PAK1: variants seen among roughly 807,000 people sequenced by gnomAD.
PAK1 encodes the protein serine/threonine-protein kinase PAK 1.
PAK1 carries 29 observed loss-of-function variants against 67.4 expected under a neutral mutation model. That is an observed-to-expected ratio of 0.43 (90% CI 0.32 to 0.59). The LOEUF is 0.59. PAK1 is among the 20% of genes least tolerant of loss of function. PAK1 has a pLI of 0.07. For synonymous variants in PAK1, 223 were observed against 237.4 expected (o/e 0.94, Z 0.56); for missense variants, 337 against 670.7 (o/e 0.50, Z 5.50).
chr11:77,495,125 G>A, the PAK1 span, among the ~76,000 whole-genome samples: 1 of 150,840 alleles, frequency 6.6e-6, no homozygotes, highest in Non-Finnish European at 1.5e-5. Flanking sequence ...CCACGCCATT[G>A]CACTCCAGCC....
chr11:77,421,775 GCCCTC>G (rs1408166718), intron 1 of PAK1, among the ~76,000 whole-genome samples: 2 of 152,144 alleles, frequency 1.3e-5, no homozygotes, highest in Admixed American at 6.5e-5. Context: ...AACACCTTTT[GCCCTC>G]CCAACCAAAA....
the PAK1 span, among the ~76,000 whole-genome samples, chr11:77,483,403 T>A: frequency 6.6e-6 from 1 of 152,192 alleles, no homozygotes; most frequent in Non-Finnish European, 1.5e-5. Flanking sequence ...TAGGGCTCTT[T>A]AAAAATTTAG....
At chr11:77,393,081 C>G (rs1460471598) in intron 1 of PAK1, among the ~76,000 whole-genome samples, 1 of 151,788 alleles carries the variant, frequency 6.6e-6, no homozygotes, top group African/African-American at 2.4e-5. Flanking sequence ...CACAGCCACA[C>G]CCATTCATTT....
At chr11:77,473,019 G>C (rs763736094) in intron 1 of PAK1, among the ~76,000 whole-genome samples, 6 of 152,156 alleles carry the variant, frequency 3.9e-5, no homozygotes, top group Non-Finnish European at 5.9e-5. Context: ...CCAAGTTACA[G>C]AATATTCCGG....
intron 1 of PAK1, among the ~76,000 whole-genome samples, chr11:77,460,715 C>A (rs944172831): frequency 2.8e-4 from 43 of 151,528 alleles, no homozygotes; most frequent in African/African-American, 1.0e-3. Context: ...GAGGAGCAAG[C>A]GAAGAAGAGA....
At chr11:77,404,495 G>A (rs1467246636) in intron 1 of PAK1, among the ~76,000 whole-genome samples, 2 of 152,032 alleles carry the variant, frequency 1.3e-5, no homozygotes, top group Non-Finnish European at 2.9e-5. Flanking sequence ...TCGAACTCCT[G>A]ACCTCAGGTG....
At chr11:77,474,161 C>T (rs1205455271), upstream of PAK1, 1 of 151,804 alleles carries the variant, frequency 6.6e-6, no homozygotes, top group Non-Finnish European at 1.5e-5. Context: ...GCCTCCTCCT[C>T]CCCTCTGCCC....
chr11:77,365,279 A>G (rs1659509775), intron 5 of PAK1, among the ~76,000 whole-genome samples: 1 of 150,386 alleles, frequency 6.6e-6, no homozygotes, highest in Non-Finnish European at 1.5e-5. Flanking sequence ...GAAAAAAGAA[A>G]AAAGAAAATG....
At chr11:77,323,976 G>A (rs182514413) in intron 14 of PAK1, among the ~76,000 whole-genome samples, 1 of 152,066 alleles carries the variant, frequency 6.6e-6, no homozygotes, top group Non-Finnish European at 1.5e-5. Context: ...CATTGATCTA[G>A]GAATTTATTG....
chr11:77,487,498 C>T, the PAK1 span, among the ~76,000 whole-genome samples: 2 of 152,014 alleles, frequency 1.3e-5, no homozygotes, highest in African/African-American at 2.4e-5. Context: ...CAAGCAGGCT[C>T]TTGGGGTTCC....
At chr11:77,332,343 G>C (rs868598713) in intron 14 of PAK1, among the ~76,000 whole-genome samples, 1 of 13,852 alleles carries the variant, frequency 7.2e-5, no homozygotes. Context: ...AGGGAAGAGG[G>C]GGGGGAAAGG....
At chr11:77,392,684 T>C (rs752335846) in intron 1 of PAK1, 143 bp from the exon 2 acceptor site, 79 of 511,232 alleles carry the variant, frequency 1.5e-4, no homozygotes, top group Non-Finnish European at 2.1e-4. Flanking sequence ...CACCATGATA[T>C]TGCTAACACT....
Position 77,339,923 on chromosome 11 carries a change from C to A in PAK1, c.1116+723G>T, listed in dbSNP as rs1423832942. Among the ~76,000 whole-genome samples, 5 of 152,024 alleles carry A rather than the reference C, an allele frequency of 3.3e-5. No homozygotes were observed. In the South Asian group the frequency reaches 1.0e-3, roughly 32 times the overall value. On this transcript the variant is annotated intron_variant, in intron 11 of 14. Transcript: ENST00000356341. ...TGTCATCAGCAAAACACCCAATATC[C>A]TCAATGTCTCTGAATATTCCCTTCA...
chr11:77,407,560 A>G (rs1953787301), intron 1 of PAK1, among the ~76,000 whole-genome samples: 1 of 152,230 alleles, frequency 6.6e-6, no homozygotes, highest in South Asian at 2.1e-4. Context: ...AACAACCACA[A>G]TGATATCTAT....
intron 4 of PAK1, among the ~76,000 whole-genome samples, chr11:77,374,865 T>C (rs1250209105): frequency 2.0e-5 from 3 of 152,140 alleles, no homozygotes; most frequent in Non-Finnish European, 2.9e-5. Flanking sequence ...ATAAAAAATA[T>C]GGTTTACAAG....
chr11:77,436,815 C>T (rs1391158465), intron 1 of PAK1, among the ~76,000 whole-genome samples: 1 of 152,152 alleles, frequency 6.6e-6, no homozygotes, highest in Non-Finnish European at 1.5e-5. Flanking sequence ...CAAACAGGGA[C>T]TCAGTATTTC....
At chr11:77,502,225 T>G in the PAK1 span, among the ~76,000 whole-genome samples, 2 of 152,212 alleles carry the variant, frequency 1.3e-5, no homozygotes, top group African/African-American at 2.4e-5. Context: ...ATTTTTCAGT[T>G]TTTGATCAAC....
chr11:77,393,730 C>T (rs1190684160), intron 1 of PAK1, among the ~76,000 whole-genome samples: 9 of 152,140 alleles, frequency 5.9e-5, no homozygotes, highest in African/African-American at 1.2e-4. Context: ...AGGACAAGCG[C>T]GGTGGCTCAT....
At chr11:77,428,194 G>A (rs1171968194) in intron 1 of PAK1, among the ~76,000 whole-genome samples, 2 of 152,148 alleles carry the variant, frequency 1.3e-5, no homozygotes, top group African/African-American at 4.8e-5. Context: ...ATTTTAGAAT[G>A]ATCACTCTTG....
Sources: allele counts gnomAD v4.1 joint callset (sites outside exome capture counted in the v4.1 genomes callset), GRCh38; gene constraint gnomAD v4.1.1; transcripts MANE v1.5; gene names NCBI Gene and HGNC (gene_info 2026-07-23, HGNC 2026-07-21).